TMEM135: variants seen among roughly 807,000 people sequenced by gnomAD.
The protein encoded by TMEM135 is transmembrane protein 135, also known as peroxisomal membrane protein 52.
In TMEM135, 30 loss-of-function variants were observed where a neutral mutation model predicts 60.3. The observed-to-expected ratio is 0.50, with a 90% CI of 0.37 to 0.68. TMEM135 has a LOEUF of 0.68. Among genes scored for constraint, TMEM135 ranks in the 30% least tolerant of loss-of-function variants. TMEM135 has a pLI of 0.00. For missense variants in TMEM135, 468 were observed against 548.8 expected (o/e 0.85, Z 1.47); for synonymous variants, 190 against 186.7 (o/e 1.02, Z -0.14).
intron 4 of TMEM135, among the ~76,000 whole-genome samples, chr11:87,102,373 C>T (rs952477039): frequency 2.6e-5 from 4 of 152,062 alleles, no homozygotes; most frequent in South Asian, 2.1e-4. Flanking sequence ...TATGGATGAA[C>T]AGCCAGATGG....
At chr11:87,236,747 A>C in intron 6 of TMEM135, 63 bp downstream of exon 6, 5 of 1,469,486 alleles carry the variant, frequency 3.4e-6, no homozygotes, top group Non-Finnish European at 4.8e-6. Flanking sequence ...AATTTCATCA[A>C]CCACGAAACT....
At chr11:87,184,194 A>C (rs1399678253) in intron 5 of TMEM135, among the ~76,000 whole-genome samples, 1 of 152,150 alleles carries the variant, frequency 6.6e-6, no homozygotes, top group Non-Finnish European at 1.5e-5. Flanking sequence ...ATTATCTGTG[A>C]TCCAAAGAAG....
intron 4 of TMEM135, among the ~76,000 whole-genome samples, chr11:87,150,570 C>T (rs1054449390): frequency 2.6e-5 from 4 of 152,120 alleles, no homozygotes; most frequent in African/African-American, 7.2e-5. Context: ...AACAATTACT[C>T]GTAGCTGAGC....
At chr11:87,153,850 A>G (rs482258) in intron 4 of TMEM135, among the ~76,000 whole-genome samples, 55,986 of 152,090 alleles carry the variant, frequency 0.37, 10,840 homozygotes, top group East Asian at 0.67. Flanking sequence ...CACTGTATCA[A>G]TGGATTTTCC....
chr11:87,226,451 G>C lies in TMEM135; in HGVS notation c.463-10187G>C, dbSNP rs570257323. ...CTATCTGTAATCTTTCAAGTAGCAA[G>C]TTATTTTAAACTGTTTATTTTTAAA... On this transcript the variant is annotated intron_variant, in intron 5 of 14. Transcript: ENST00000305494. 2.2e-4 allele frequency among the ~76,000 whole-genome samples: 34 copies of C among 152,208 alleles called. 1 individual carries two copies. In the South Asian group the frequency reaches 7.0e-3, roughly 32 times the overall value.
At chr11:87,067,048 G>A (rs1282246191) in intron 1 of TMEM135, among the ~76,000 whole-genome samples, 1 of 150,424 alleles carries the variant, frequency 6.6e-6, no homozygotes, top group African/African-American at 2.4e-5. Flanking sequence ...CCAAAGTACT[G>A]GGATTACAGG....
At chr11:87,060,219 C>G (rs1949933419) in intron 1 of TMEM135, among the ~76,000 whole-genome samples, 1 of 152,110 alleles carries the variant, frequency 6.6e-6, no homozygotes, top group Admixed American at 6.6e-5. Flanking sequence ...GGAATTAATT[C>G]TTTTTATTTG....
At chr11:87,143,527 CT>C (rs1328365743) in intron 4 of TMEM135, among the ~76,000 whole-genome samples, 8 of 152,210 alleles carry the variant, frequency 5.3e-5, no homozygotes, top group African/African-American at 1.9e-4. Flanking sequence ...AGCCAGTAGG[CT>C]TTTGCTTTCT....
chr11:87,146,808 A>C (rs672224), intron 4 of TMEM135, among the ~76,000 whole-genome samples: 2 of 151,762 alleles, frequency 1.3e-5, no homozygotes, highest in East Asian at 3.9e-4. Context: ...CATCTTACAG[A>C]CAAAATCAAT....
intron 5 of TMEM135, among the ~76,000 whole-genome samples, chr11:87,173,694 G>T (rs919858482): frequency 6.6e-6 from 1 of 152,022 alleles, no homozygotes; most frequent in South Asian, 2.1e-4. Flanking sequence ...TTTCTATATT[G>T]GGGTGAGTAA....
At chr11:87,208,909 T>G in intron 5 of TMEM135, among the ~76,000 whole-genome samples, 1 of 152,152 alleles carries the variant, frequency 6.6e-6, no homozygotes, top group East Asian at 1.9e-4. Flanking sequence ...GGGGGCTTAT[T>G]TTCAATATCC....
chr11:87,064,473 A>G (rs1043889015), intron 1 of TMEM135, among the ~76,000 whole-genome samples: 3 of 152,192 alleles, frequency 2.0e-5, no homozygotes, highest in Admixed American at 1.3e-4. Context: ...TTCCATCACC[A>G]GAAGGATCCC....
At chr11:87,038,242 G>A (rs1949720745) in intron 1 of TMEM135, 56 bp downstream of exon 1, 3 of 1,611,262 alleles carry the variant, frequency 1.9e-6, no homozygotes, top group Non-Finnish European at 8.5e-7. Flanking sequence ...TGGGCCGGGG[G>A]CTGCAGTTGG....
chr11:87,219,604 G>A (rs1051738032), intron 5 of TMEM135, among the ~76,000 whole-genome samples: 3 of 152,108 alleles, frequency 2.0e-5, no homozygotes, highest in South Asian at 2.1e-4. Flanking sequence ...ACTGGATTAG[G>A]GCCTAACCCT....
chr11:87,058,720 T>A (rs1406388686), intron 1 of TMEM135, among the ~76,000 whole-genome samples: 1 of 150,398 alleles, frequency 6.6e-6, no homozygotes, highest in African/African-American at 2.4e-5. Flanking sequence ...CCTGGGTTCA[T>A]GCCATTGTCC....
At position 87,290,962 on chromosome 11, in the gene TMEM135, G is replaced by T. The variant is rs181055777; in HGVS notation, c.510-4820G>T. ...AAAAATGAGACTTTATATTAGAAAA[G>T]AATGTGATTAGGATAAATGGATTTT... On this transcript the variant is annotated intron_variant, in intron 6 of 14. Coordinates refer to ENST00000305494, the MANE Select transcript of TMEM135 (RefSeq NM_022918.4). Among the ~76,000 whole-genome samples, 479 of 152,278 alleles carry T rather than the reference G, an allele frequency of 3.1e-3. 3 individuals are homozygous for T. Among genetic ancestry groups the T allele is most frequent in the African/African-American group, 0.011 (440 of 41,562 alleles).
chr11:87,184,262 G>C (rs1053906234), intron 5 of TMEM135, among the ~76,000 whole-genome samples: 7 of 152,106 alleles, frequency 4.6e-5, no homozygotes, highest in Non-Finnish European at 7.4e-5. Context: ...CACAAGAACT[G>C]TTTGATTTTC....
chr11:87,194,926 A>G (rs1277017572), intron 5 of TMEM135, among the ~76,000 whole-genome samples: 6 of 152,204 alleles, frequency 3.9e-5, no homozygotes, highest in African/African-American at 1.4e-4. Flanking sequence ...TCTTACTAAA[A>G]TGATGCATAT....
intron 6 of TMEM135, among the ~76,000 whole-genome samples, chr11:87,261,872 G>GC (rs1221742714): frequency 8.5e-5 from 13 of 152,164 alleles, no homozygotes; most frequent in Non-Finnish European, 1.3e-4. Flanking sequence ...GAATCGGCCT[G>GC]CCTTGGCCTG....
Sources: gnomAD v4.1 joint callset for allele counts (sites outside exome capture counted in the v4.1 genomes callset) on GRCh38, gnomAD v4.1.1 for gene constraint, MANE v1.5 for transcripts, NCBI Gene and HGNC (gene_info 2026-07-23, HGNC 2026-07-21) for gene names.